Variants in HACE1 observed in about 807,000 individuals in gnomAD.
HACE1 encodes E3 ubiquitin-protein ligase HACE1.
A neutral mutation model predicts 118.4 loss-of-function variants in HACE1; 73 were observed. The observed-to-expected ratio is 0.62, with a 90% CI of 0.51 to 0.75. The LOEUF is 0.75. Ranked by LOEUF, HACE1 falls within the 30% of genes least tolerant of loss-of-function variation. The pLI is 0.00. For missense variants in HACE1, 749 were observed against 1,102.2 expected (o/e 0.68, Z 4.54); for synonymous variants, 368 against 374.8 (o/e 0.98, Z 0.21).
In HACE1 at chr6:104,859,791, G is replaced by C; in HGVS notation, c.-149C>G. The C allele has an allele frequency of 1.5e-6, 1 of 666,908 alleles. No individual in the cohort carries two copies. Among genetic ancestry groups the C allele is most frequent in the Non-Finnish European group, 2.4e-6 (1 of 417,952 alleles). 41.3% of individuals were successfully genotyped at this position (666,908 alleles called of 1,614,324 possible). A position where few individuals can be genotyped will look rare whatever the true frequency, so the allele number is the denominator to read the frequency against. ...CACTGAGCTGCGAGGGCTGCCTGGG[G>C]CCACGTCCTGCGTCCGGGGGCCGGG... On this transcript the variant is annotated 5_prime_UTR_variant, in exon 1 of 24. Transcript: ENST00000262903.
At chr6:104,856,969 C>A (rs1436363818) in intron 1 of HACE1, among the ~76,000 whole-genome samples, 2 of 151,936 alleles carry the variant, frequency 1.3e-5, no homozygotes, top group Non-Finnish European at 1.5e-5. Flanking sequence ...TTTTAGAGTA[C>A]AAGCTGACTA....
chr6:104,748,184 T>A (rs182399032), intron 20 of HACE1, among the ~76,000 whole-genome samples: 9 of 151,832 alleles, frequency 5.9e-5, no homozygotes, highest in African/African-American at 2.2e-4. Flanking sequence ...ATATTCATAA[T>A]ACATATATCT....
chr6:104,798,399 T>TA (rs930432680), intron 7 of HACE1, among the ~76,000 whole-genome samples: 1 of 151,902 alleles, frequency 6.6e-6, no homozygotes, highest in South Asian at 2.1e-4. Flanking sequence ...AAAGTTTTTT[T>TA]AAAAAAAACT....
Position 104,776,996 on chromosome 6 carries a change from T to C in HACE1, c.1776+17A>G, listed in dbSNP as rs372962609. 1.6e-5 allele frequency: 24 copies of C among 1,517,754 alleles called. No homozygotes were observed. The Admixed American group carries it at 2.3e-4, about 15-fold the overall frequency. 94.0% of individuals were successfully genotyped at this position (1,517,754 alleles called of 1,614,324 possible). On this transcript the variant is annotated intron_variant, in intron 16 of 23. Coordinates refer to ENST00000262903, the MANE Select transcript of HACE1 (RefSeq NM_020771.4). ...TTTACATACAGTGATTTCTACATCATCTTCTTTTATACCCACCATGCCTTC... is the reference window on the plus strand; with the variant it reads ...TTTACATACAGTGATTTCTACATCACCTTCTTTTATACCCACCATGCCTTC...
chr6:104,771,391 T>TA lies in HACE1; in HGVS notation c.2015-3dup. On this transcript the variant is annotated splice_polypyrimidine_tract_variant and splice_region_variant and intron_variant, in intron 18 of 23. Coordinates refer to ENST00000262903, the MANE Select transcript of HACE1 (RefSeq NM_020771.4). Reference sequence around the variant, plus strand: ...CATCTTGGTAATTTACAGGAATACCTAAAAAATGCAAACATACAGCAGTTA... The same window carrying TA: ...CATCTTGGTAATTTACAGGAATACCTAAAAAAATGCAAACATACAGCAGTTA... 1 of 1,602,114 alleles carries TA rather than the reference T, an allele frequency of 6.2e-7. No individual in the cohort carries two copies. The highest frequency in any genetic ancestry group is 8.6e-7 in the Non-Finnish European group (1 of 1,169,578).
At chr6:104,795,933 T>C (rs1047997430) in intron 9 of HACE1, among the ~76,000 whole-genome samples, 3 of 152,168 alleles carry the variant, frequency 2.0e-5, no homozygotes, top group Non-Finnish European at 4.4e-5. Flanking sequence ...AAGTATAGTT[T>C]TGGAAATTTA....
intron 6 of HACE1, among the ~76,000 whole-genome samples, chr6:104,820,339 T>C (rs577479633): frequency 6.6e-6 from 1 of 151,978 alleles, no homozygotes; most frequent in South Asian, 2.1e-4. Context: ...AAATTGGAAG[T>C]TGGGATCTAA....
intron 19 of HACE1, among the ~76,000 whole-genome samples, chr6:104,755,701 T>C (rs1247992166): frequency 5.3e-5 from 8 of 152,116 alleles, no homozygotes; most frequent in African/African-American, 1.9e-4. Flanking sequence ...AACAAAATTA[T>C]GGGAGAAATC....
At chr6:104,784,332 G>T (rs1782105476) in intron 13 of HACE1, 85 bp downstream of exon 13, 1 of 972,040 alleles carries the variant, frequency 1.0e-6, no homozygotes, top group Non-Finnish European at 1.7e-6. Context: ...AATAGTACGA[G>T]AAATAGTATT....
chr6:104,843,082 G>C (rs989286090), intron 5 of HACE1, 141 bp downstream of exon 5: 2 of 671,568 alleles, frequency 3.0e-6, no homozygotes, highest in Non-Finnish European at 5.4e-6. Flanking sequence ...CCTCACTCTA[G>C]CCTGAGTGAC....
At chr6:104,781,797 C>T (rs1781773339) in intron 14 of HACE1, among the ~76,000 whole-genome samples, 1 of 152,072 alleles carries the variant, frequency 6.6e-6, no homozygotes, top group Non-Finnish European at 1.5e-5. Context: ...TCTACACAGA[C>T]ACACTTCTTA....
At chr6:104,820,181 T>G (rs4946643) in intron 6 of HACE1, among the ~76,000 whole-genome samples, 2 of 144,744 alleles carry the variant, frequency 1.4e-5, no homozygotes, top group South Asian at 2.2e-4. Flanking sequence ...GGCAACAGAG[T>G]GAGACTCCGT....
At chr6:104,777,682 G>A (rs1248651029) in intron 14 of HACE1, among the ~76,000 whole-genome samples, 1 of 152,028 alleles carries the variant, frequency 6.6e-6, no homozygotes, top group African/African-American at 2.4e-5. Flanking sequence ...GAAAAATTAC[G>A]TTGCGTGTTC....
intron 22 of HACE1, among the ~76,000 whole-genome samples, chr6:104,736,127 A>G (rs1486208852): frequency 6.6e-6 from 1 of 151,798 alleles, no homozygotes; most frequent in Non-Finnish European, 1.5e-5. Flanking sequence ...TTACATAAAA[A>G]ATATAATTAT....
chr6:104,756,957 G>T (rs933525883), intron 19 of HACE1, among the ~76,000 whole-genome samples: 16 of 152,214 alleles, frequency 1.1e-4, no homozygotes, highest in Non-Finnish European at 1.8e-4. Flanking sequence ...ACAGGAGTCT[G>T]AGATTGACCT....
chr6:104,774,115 A>G (rs1780949318), intron 17 of HACE1, among the ~76,000 whole-genome samples: 1 of 82,022 alleles, frequency 1.2e-5, no homozygotes, highest in South Asian at 4.5e-4. Context: ...TTTGAGACGG[A>G]GTCTCGCTCT....
At chr6:104,762,443 A>G (rs1405616057) in intron 19 of HACE1, among the ~76,000 whole-genome samples, 5 of 152,156 alleles carry the variant, frequency 3.3e-5, no homozygotes, top group African/African-American at 1.2e-4. Flanking sequence ...GCAAACTATC[A>G]CAAGGACAGA....
intron 19 of HACE1, among the ~76,000 whole-genome samples, chr6:104,752,559 C>G (rs1265035385): frequency 1.3e-5 from 2 of 151,962 alleles, no homozygotes; most frequent in Non-Finnish European, 2.9e-5. Context: ...GCTTTACCAT[C>G]TTAAAGTGTG....
In HACE1 at chr6:104,772,047, G is replaced by A; in HGVS notation, c.1892C>T (p.Ser631Phe). ...DGTTFQPNSN[S>F]YVNPDHLNYF... is the part of the protein sequence containing the mutation. ...GTTCAAGTGATCAGGATTTACATAA[G>A]AGTTGCTATTAGGCTGAAAAGTTGT... Residue 631 changes from serine (S) to phenylalanine (F), a missense_variant, in exon 18 of 24, where the codon TCT (serine) becomes TTT (phenylalanine). By Grantham distance (155) the Ser-to-Phe change is radical. This residue lies in a region of HACE1 where 195 missense variants were observed against 322.1 expected (regional missense o/e 0.61). Coordinates refer to ENST00000262903, the MANE Select transcript of HACE1 (RefSeq NM_020771.4). The A allele has an allele frequency of 6.2e-7, 1 of 1,603,972 alleles. No individual in the cohort carries two copies. The highest frequency in any genetic ancestry group is 8.5e-7 in the Non-Finnish European group (1 of 1,171,098).
Sources: gnomAD v4.1 joint callset for allele counts (sites outside exome capture counted in the v4.1 genomes callset) on GRCh38, gnomAD v4.1.1 for gene constraint, gnomAD v4.1.1 regional missense constraint, MANE v1.5 for transcripts, NCBI Gene and HGNC (gene_info 2026-07-23, HGNC 2026-07-21) for gene names.